The following ASTN1 variants were observed in gnomAD, a reference collection of about 807,000 sequenced individuals.
The protein encoded by ASTN1 is astrotactin 1.
A neutral mutation model predicts 140.7 loss-of-function variants in ASTN1; 41 were observed. The ratio of observed to expected loss-of-function variants is 0.29; its 90% CI spans 0.23 to 0.38. The LOEUF (loss-of-function observed/expected upper bound fraction) is 0.38. Ranked by LOEUF, ASTN1 falls within the 10% of genes least tolerant of loss-of-function variation. The pLI is 1.00. For synonymous variants in ASTN1, 640 were observed against 652.2 expected (o/e 0.98, Z 0.29); for missense variants, 1,479 against 1,678.8 (o/e 0.88, Z 2.08).
chr1:177,038,690 C>A (rs945739457), intron 2 of ASTN1, among the ~76,000 whole-genome samples: 3 of 152,120 alleles, frequency 2.0e-5, no homozygotes, highest in South Asian at 4.1e-4. Context: ...CTTACTGATA[C>A]CTACTTTAGC....
At chr1:177,007,645 C>T (rs1036534177) in intron 8 of ASTN1, among the ~76,000 whole-genome samples, 1 of 152,078 alleles carries the variant, frequency 6.6e-6, no homozygotes, top group African/African-American at 2.4e-5. Flanking sequence ...TGGGGGTAGA[C>T]GTCTGAAATC....
At chr1:176,990,266 G>A (rs907767996) in intron 8 of ASTN1, among the ~76,000 whole-genome samples, 1 of 151,556 alleles carries the variant, frequency 6.6e-6, no homozygotes, top group South Asian at 2.1e-4. Context: ...GAAGAGGCTG[G>A]ATTTTTTTTT....
At chr1:177,106,996 T>C (rs951598357) in intron 1 of ASTN1, among the ~76,000 whole-genome samples, 4 of 152,182 alleles carry the variant, frequency 2.6e-5, no homozygotes, top group Admixed American at 6.5e-5. Context: ...TGGCAGGCCA[T>C]GCAGCAGTGG....
rs112773224 is a variant in ASTN1, at chr1:177,032,880, G to A, written c.472-31C>T. ...AAGAGAGGACCACAGATGGATGTGG[G>A]AAGATGGGTAGGCTCTTCCCACAAA... is the stretch of plus-strand genomic sequence containing the variant. On this transcript the variant is annotated intron_variant, in intron 2 of 22. Coordinates refer to ENST00000361833, the MANE Select transcript of ASTN1 (RefSeq NM_004319.3). The A allele has an allele frequency of 1.7e-5, 26 of 1,555,316 alleles. No homozygotes were observed. In the African/African-American group the frequency reaches 2.7e-4, roughly 16 times the overall value.
At position 176,863,692 on chromosome 1, in the gene ASTN1, C is replaced by T. The variant is rs1417299780; in HGVS notation, c.*592G>A. The T allele has an allele frequency of 2.0e-6, 2 of 985,718 alleles. No individual in the cohort carries two copies. Among genetic ancestry groups the T allele is most frequent in the Non-Finnish European group, 2.4e-6 (2 of 830,254 alleles). 61.1% of individuals were successfully genotyped at this position (985,718 alleles called of 1,614,324 possible). A position where few individuals can be genotyped will look rare whatever the true frequency, so the allele number is the denominator to read the frequency against. The stretch of plus-strand genomic sequence containing the variant: ...GGCCTATAATGAAAGCTGGTTTCAC[C>T]TTTCGGGTATGGAAATAGTGATAGC... On this transcript the variant is annotated 3_prime_UTR_variant, in exon 23 of 23. Transcript: ENST00000361833.
intron 5 of ASTN1, among the ~76,000 whole-genome samples, chr1:177,028,819 T>C (rs1415971510): frequency 6.6e-6 from 1 of 152,256 alleles, no homozygotes; most frequent in Admixed American, 6.5e-5. Context: ...CACAAGGTAT[T>C]GTTAACTCAT....
At chr1:176,866,674 G>T (rs1668136038) in intron 22 of ASTN1, among the ~76,000 whole-genome samples, 1 of 150,138 alleles carries the variant, frequency 6.7e-6, no homozygotes. Context: ...ATTAATTTGG[G>T]ATTGCCAAAT....
chr1:177,018,816 CA>C (rs1456592200), intron 7 of ASTN1, among the ~76,000 whole-genome samples: 2 of 152,088 alleles, frequency 1.3e-5, no homozygotes, highest in Non-Finnish European at 1.5e-5. Context: ...ACAACCATAA[CA>C]AAAAAACCCT....
intron 1 of ASTN1, among the ~76,000 whole-genome samples, chr1:177,109,924 G>T (rs1680740062): frequency 6.6e-6 from 1 of 152,156 alleles, no homozygotes. Context: ...CAGACTCACT[G>T]ATTTTTCTAT....
At chr1:176,953,995 A>G (rs1397788359) in intron 11 of ASTN1, among the ~76,000 whole-genome samples, 5 of 152,190 alleles carry the variant, frequency 3.3e-5, no homozygotes, top group African/African-American at 1.2e-4. Context: ...AAAATTTTAT[A>G]TGAAACCTCA....
chr1:176,994,931 A>G (rs561423624), intron 8 of ASTN1, among the ~76,000 whole-genome samples: 1 of 152,348 alleles, frequency 6.6e-6, no homozygotes, highest in African/African-American at 2.4e-5. Context: ...AATGTTTATT[A>G]AATGAATAAA....
chr1:177,017,800 CT>C (rs1675633498), intron 7 of ASTN1, among the ~76,000 whole-genome samples: 1 of 152,174 alleles, frequency 6.6e-6, no homozygotes, highest in Non-Finnish European at 1.5e-5. Context: ...TTGATCTGTG[CT>C]TGGTACCCTG....
At chr1:176,871,904 A>G (rs12067634) in intron 21 of ASTN1, among the ~76,000 whole-genome samples, 6,587 of 152,254 alleles carry the variant, frequency 0.043, 422 homozygotes, top group African/African-American at 0.15. Context: ...TCAGAAATAG[A>G]TAAGATGCAG....
intron 1 of ASTN1, among the ~76,000 whole-genome samples, chr1:177,078,004 A>G (rs1382284487): frequency 6.6e-6 from 1 of 152,220 alleles, no homozygotes; most frequent in Non-Finnish European, 1.5e-5. Context: ...CAGGGAAAGC[A>G]CAGATGGGGA....
intron 1 of ASTN1, among the ~76,000 whole-genome samples, chr1:177,152,430 AAAAT>A (rs1382081685): frequency 5.9e-5 from 9 of 152,274 alleles, no homozygotes; most frequent in Non-Finnish European, 1.3e-4. Flanking sequence ...AATCCTTTGG[AAAAT>A]AAATAAATAA....
At chr1:176,989,659 G>T (rs780922011) in intron 8 of ASTN1, among the ~76,000 whole-genome samples, 4 of 152,112 alleles carry the variant, frequency 2.6e-5, no homozygotes, top group Non-Finnish European at 5.9e-5. Context: ...AGCTCAGAGA[G>T]AAGACGAAGA....
intron 1 of ASTN1, among the ~76,000 whole-genome samples, chr1:177,160,667 A>AAT (rs1647305359): frequency 6.6e-5 from 10 of 152,380 alleles, no homozygotes; most frequent in African/African-American, 1.9e-4. Context: ...CCAAAGCAGG[A>AAT]ATGTCTACTA....
chr1:177,060,819 C>A (rs1427212534), intron 2 of ASTN1, among the ~76,000 whole-genome samples: 1 of 152,050 alleles, frequency 6.6e-6, no homozygotes, highest in Non-Finnish European at 1.5e-5. Context: ...CTAATATTAT[C>A]TCTGGTTTGT....
intron 20 of ASTN1, among the ~76,000 whole-genome samples, chr1:176,881,458 A>G (rs113891414): frequency 1.3e-5 from 2 of 152,200 alleles, no homozygotes; most frequent in Admixed American, 1.3e-4. Context: ...AGTGTGATTT[A>G]GTCACAACTG....
Sources: gnomAD v4.1 joint callset for allele counts (sites outside exome capture counted in the v4.1 genomes callset) on GRCh38, gnomAD v4.1.1 for gene constraint, MANE v1.5 for transcripts, NCBI Gene and HGNC (gene_info 2026-07-23, HGNC 2026-07-21) for gene names.